The following DENND1A variants were observed in gnomAD, a reference collection of about 807,000 sequenced individuals.
DENND1A encodes the protein DENN domain containing 1A.
A neutral mutation model predicts 113.7 loss-of-function variants in DENND1A; 51 were observed. That is an observed-to-expected ratio of 0.45 (90% CI 0.36 to 0.57). DENND1A has a LOEUF of 0.57. DENND1A is among the 20% of genes least tolerant of loss of function. The pLI is 0.00. For missense variants in DENND1A, 1,258 were observed against 1,395.9 expected, an observed-to-expected ratio of 0.90 and a Z score of 1.57; for synonymous variants, 565 against 570.8, an observed-to-expected ratio of 0.99 and a Z score of 0.14.
chr9:123,915,497 C>T (rs1037527754), intron 1 of DENND1A, among the ~76,000 whole-genome samples: 1 of 151,868 alleles, frequency 6.6e-6, no homozygotes, highest in Non-Finnish European at 1.5e-5. Flanking sequence ...AGTGTGAAAT[C>T]AAAAGACAGT....
At chr9:123,709,069 G>T (rs1237853459) in intron 5 of DENND1A, among the ~76,000 whole-genome samples, 3 of 152,198 alleles carry the variant, frequency 2.0e-5, no homozygotes, top group Non-Finnish European at 4.4e-5. Flanking sequence ...CATATCAAGG[G>T]CTGTCACTCT....
chr9:123,639,777 C>CAAAAAAAAAAAAAAA (rs199515973), intron 9 of DENND1A, among the ~76,000 whole-genome samples: 1 of 115,606 alleles, frequency 8.7e-6, no homozygotes, highest in Non-Finnish European at 1.9e-5. Flanking sequence ...AACTCCATCT[C>CAAAAAAAAAAAAAAA]AAAAAAAAAA....
At chr9:123,393,623 T>C (rs2042967428) in intron 21 of DENND1A, among the ~76,000 whole-genome samples, 1 of 151,398 alleles carries the variant, frequency 6.6e-6, no homozygotes, top group African/African-American at 2.4e-5. Context: ...TAGAAGAAAC[T>C]CTGGAATTAG....
chr9:123,601,732 A>G (rs575147831), intron 11 of DENND1A, among the ~76,000 whole-genome samples: 49 of 152,378 alleles, frequency 3.2e-4, no homozygotes, highest in African/African-American at 9.9e-4. Flanking sequence ...ATTTAATTGA[A>G]TAAACTATAT....
chr9:123,535,758 GCTACCCCTTTA>G (rs1338081453), intron 13 of DENND1A, among the ~76,000 whole-genome samples: 3 of 152,186 alleles, frequency 2.0e-5, no homozygotes, highest in African/African-American at 7.2e-5. Flanking sequence ...CCCTGGCTTT[GCTACCCCTTTA>G]CAGTGGTTTT....
chr9:123,402,451 G>A, intron 21 of DENND1A: 1 of 529,184 alleles, frequency 1.9e-6, no homozygotes, highest in Non-Finnish European at 3.9e-6. Context: ...CTCCAACTCT[G>A]ACTGGGACCT....
intron 1 of DENND1A, among the ~76,000 whole-genome samples, chr9:123,914,963 T>C (rs537085415): frequency 1.3e-5 from 2 of 152,024 alleles, no homozygotes; most frequent in Non-Finnish European, 2.9e-5. Context: ...TCAGGAGCCA[T>C]GCTGATTATA....
intron 19 of DENND1A, among the ~76,000 whole-genome samples, chr9:123,417,888 G>C (rs957403643): frequency 4.6e-5 from 7 of 152,108 alleles, no homozygotes; most frequent in South Asian, 2.1e-4. Context: ...CATAGATTGG[G>C]GGGGGGGCAG....
intron 6 of DENND1A, among the ~76,000 whole-genome samples, chr9:123,674,327 GTCTCTGTC>G (rs1283570148): frequency 2.0e-5 from 2 of 100,994 alleles, no homozygotes; most frequent in African/African-American, 7.6e-5. Flanking sequence ...CTCTGTCTCT[GTCTCTGTC>G]TCTCTCTCAC....
intron 12 of DENND1A, among the ~76,000 whole-genome samples, chr9:123,569,813 C>G (rs993898179): frequency 1.3e-5 from 2 of 152,198 alleles, no homozygotes; most frequent in South Asian, 2.1e-4. Flanking sequence ...CAGATTCTAG[C>G]AACCAGCAAA....
At chr9:123,622,650 C>T (rs896200405) in intron 10 of DENND1A, among the ~76,000 whole-genome samples, 1 of 152,184 alleles carries the variant, frequency 6.6e-6, no homozygotes, top group Non-Finnish European at 1.5e-5. Context: ...ATTTCAAGTG[C>T]AGGCTCCACT....
chr9:123,766,654 C>T (rs977619841), intron 4 of DENND1A, among the ~76,000 whole-genome samples: 1 of 152,186 alleles, frequency 6.6e-6, no homozygotes, highest in Non-Finnish European at 1.5e-5. Flanking sequence ...CTCAGAGAAC[C>T]TTGGGCAAGT....
chr9:123,523,108 A>G (rs1230157198), intron 13 of DENND1A, among the ~76,000 whole-genome samples: 1 of 152,230 alleles, frequency 6.6e-6, no homozygotes, highest in African/African-American at 2.4e-5. Context: ...TACTTAACAA[A>G]CCAAAACAGA....
intron 11 of DENND1A, among the ~76,000 whole-genome samples, chr9:123,588,452 CTACTAAAAA>C (rs2059295860): frequency 6.6e-6 from 1 of 151,428 alleles, no homozygotes; most frequent in Non-Finnish European, 1.5e-5. Context: ...AACCCTGTCT[CTACTAAAAA>C]TACAAAAAAT....
At chr9:123,489,508 G>A (rs1197826334) in intron 13 of DENND1A, among the ~76,000 whole-genome samples, 3 of 152,224 alleles carry the variant, frequency 2.0e-5, no homozygotes, top group Non-Finnish European at 4.4e-5. Context: ...CTGCCTCAGT[G>A]GCATAAGCTC....
intron 12 of DENND1A, among the ~76,000 whole-genome samples, chr9:123,582,028 G>A (rs991896758): frequency 1.3e-5 from 2 of 152,252 alleles, no homozygotes; most frequent in African/African-American, 4.8e-5. Flanking sequence ...AAATGTGGCA[G>A]CCAGCTACTT....
chr9:123,735,134 A>C (rs1306503836), intron 5 of DENND1A, among the ~76,000 whole-genome samples: 2 of 152,144 alleles, frequency 1.3e-5, no homozygotes, highest in African/African-American at 4.8e-5. Context: ...ATCAAAGGGC[A>C]CATCTATCTA....
intron 13 of DENND1A, among the ~76,000 whole-genome samples, chr9:123,502,695 C>G (rs1013177489): frequency 6.6e-6 from 1 of 152,084 alleles, no homozygotes; most frequent in Non-Finnish European, 1.5e-5. Context: ...TCATGAAGTC[C>G]AATTTGTCTA....
At chr9:123,429,848 G>A (rs2046005677) in intron 19 of DENND1A, among the ~76,000 whole-genome samples, 1 of 152,090 alleles carries the variant, frequency 6.6e-6, no homozygotes, top group Non-Finnish European at 1.5e-5. Flanking sequence ...TTGACAAATG[G>A]GATCTAATTA....
Sources: gnomAD v4.1 joint callset for allele counts (sites outside exome capture counted in the v4.1 genomes callset) on GRCh38, gnomAD v4.1.1 for gene constraint, MANE v1.5 for transcripts, NCBI Gene and HGNC (gene_info 2026-07-23, HGNC 2026-07-21) for gene names.